The following TMTC1 variants were observed in gnomAD, a reference collection of about 807,000 sequenced individuals.
TMTC1 encodes transmembrane O-mannosyltransferase targeting cadherins 1.
TMTC1 carries 73 observed loss-of-function variants against 104.8 expected under a neutral mutation model. The observed-to-expected ratio is 0.70, with a 90% CI of 0.58 to 0.85. The LOEUF (loss-of-function observed/expected upper bound fraction) is 0.85. Among genes scored for constraint, TMTC1 ranks in the 40% least tolerant of loss-of-function variants. The probability of loss-of-function intolerance (pLI) is 0.00; values close to 1 mark genes in which losing one functional copy is unlikely to be tolerated. For missense variants in TMTC1, 1,035 were observed against 1,096.1 expected (o/e 0.94, Z 0.79); for synonymous variants, 434 against 428.7 (o/e 1.01, Z -0.15).
At chr12:29,534,080 ACT>A (rs1175257163) in intron 11 of TMTC1, 1 of 152,150 alleles carries the variant, frequency 6.6e-6, no homozygotes, top group Non-Finnish European at 1.5e-5. Context: ...GATTTCATAC[ACT>A]CTGGGTGTTT....
At chr12:29,652,342 T>C (rs552557445) in intron 5 of TMTC1, among the ~76,000 whole-genome samples, 4 of 152,326 alleles carry the variant, frequency 2.6e-5, no homozygotes, top group South Asian at 2.1e-4. Flanking sequence ...CAAGATGATA[T>C]TGGGGTTCCA....
chr12:29,765,473 A>G (rs1943442058), intron 2 of TMTC1, among the ~76,000 whole-genome samples: 1 of 152,120 alleles, frequency 6.6e-6, no homozygotes, highest in African/African-American at 2.4e-5. Context: ...TTTGTAAATT[A>G]CATAGTTATG....
At chr12:29,571,430 C>T (rs1945673694) in intron 9 of TMTC1, among the ~76,000 whole-genome samples, 1 of 151,870 alleles carries the variant, frequency 6.6e-6, no homozygotes, top group Non-Finnish European at 1.5e-5. Flanking sequence ...TTCCGACTGG[C>T]TAGTTGGGTA....
chr12:29,743,396 G>A (rs1340101531), intron 5 of TMTC1, among the ~76,000 whole-genome samples: 1 of 152,100 alleles, frequency 6.6e-6, no homozygotes, highest in Admixed American at 6.6e-5. Context: ...TGTTGATCAT[G>A]ATGAAAATCA....
At chr12:29,715,881 C>T (rs1052185600) in intron 5 of TMTC1, among the ~76,000 whole-genome samples, 8 of 151,994 alleles carry the variant, frequency 5.3e-5, no homozygotes, top group Admixed American at 3.9e-4. Flanking sequence ...ATGGGGGAAA[C>T]CACACCCATA....
chr12:29,599,976 G>A (rs1163325859), intron 7 of TMTC1, among the ~76,000 whole-genome samples: 35 of 131,456 alleles, frequency 2.7e-4, no homozygotes, highest in Non-Finnish European at 3.0e-5. Flanking sequence ...ATATGTGTGT[G>A]TGTGTGTGTG....
chr12:29,772,515 C>T lies in TMTC1; in HGVS notation c.303-4440G>A, dbSNP rs556701481. ...AGAATATTCCCATGTACCTGAAATG[C>T]AAAGTATTACAACATAACCTCACAT... On this transcript the variant is annotated intron_variant, in intron 1 of 17. Coordinates refer to ENST00000539277, the MANE Select transcript of TMTC1 (RefSeq NM_001193451.2). Among the ~76,000 whole-genome samples the T allele has an allele frequency of 8.5e-5, 13 of 152,242 alleles. No individual in the cohort carries two copies. In the South Asian group the frequency reaches 1.9e-3, roughly 22 times the overall value.
chr12:29,779,675 C>T lies in TMTC1; in HGVS notation c.302+3775G>A, dbSNP rs149467520. Among the ~76,000 whole-genome samples, 96 of 152,290 alleles carry T rather than the reference C, an allele frequency of 6.3e-4. No homozygotes were observed. The East Asian group carries it at 0.017, about 27-fold the overall frequency. On this transcript the variant is annotated intron_variant, in intron 1 of 17. Transcript: ENST00000539277. Reference sequence around the variant, plus strand: ...ATTCAATGAATCAAAAATCAACTTACATTTTAATAAAAAATATGTTTGGAG... The same window carrying T: ...ATTCAATGAATCAAAAATCAACTTATATTTTAATAAAAAATATGTTTGGAG...
intron 1 of TMTC1, among the ~76,000 whole-genome samples, chr12:29,776,031 A>T (rs558051937): frequency 6.6e-6 from 1 of 152,212 alleles, no homozygotes; most frequent in African/African-American, 2.4e-5. Context: ...AGTTTCTCTG[A>T]TAACATATTT....
intron 5 of TMTC1, among the ~76,000 whole-genome samples, chr12:29,677,844 C>T (rs1003754014): frequency 6.6e-6 from 1 of 152,248 alleles, no homozygotes; most frequent in African/African-American, 2.4e-5. Flanking sequence ...CATGCAAAAG[C>T]AGCGATGCTG....
chr12:29,536,074 T>C (rs749128718), intron 11 of TMTC1, 135 bp downstream of exon 11: 3 of 659,444 alleles, frequency 4.5e-6, no homozygotes, highest in East Asian at 5.5e-5. Flanking sequence ...GTAATTTCTG[T>C]CCAAAAGAAA....
At chr12:29,755,198 A>C (rs1459935113) in intron 4 of TMTC1, among the ~76,000 whole-genome samples, 1 of 152,142 alleles carries the variant, frequency 6.6e-6, no homozygotes, top group Non-Finnish European at 1.5e-5. Flanking sequence ...TTTGAATATG[A>C]CGTGTACGTA....
intron 5 of TMTC1, among the ~76,000 whole-genome samples, chr12:29,728,127 A>T (rs911020202): frequency 3.9e-5 from 6 of 152,194 alleles, no homozygotes; most frequent in Non-Finnish European, 5.9e-5. Flanking sequence ...TAAATGACAT[A>T]ATGTAGTATC....
intron 5 of TMTC1, among the ~76,000 whole-genome samples, chr12:29,656,865 T>C (rs1236919800): frequency 6.6e-6 from 1 of 152,158 alleles, no homozygotes; most frequent in Non-Finnish European, 1.5e-5. Context: ...TTTTTTTTCC[T>C]ACCAGCAGGG....
intron 5 of TMTC1, among the ~76,000 whole-genome samples, chr12:29,644,137 GTGTGTGTGTGTGTATATA>G (rs1219296064): frequency 8.8e-5 from 9 of 102,102 alleles, no homozygotes; most frequent in Middle Eastern, 4.6e-3. Flanking sequence ...GTGTGTGTGT[GTGTGTGTGTGTGTATATA>G]TATATATAAT....
At position 29,503,158 on chromosome 12, in the gene TMTC1, A is replaced by T. The variant is rs368718514; in HGVS notation, c.*3688T>A. The T allele has an allele frequency of 2.0e-5, 3 of 152,216 alleles. No individual in the cohort carries two copies. In the East Asian group the frequency reaches 5.8e-4, roughly 29 times the overall value. 9.4% of individuals were successfully genotyped at this position (152,216 alleles called of 1,614,324 possible). ...CTAGGTACCACCTATTACAAATTTC[A>T]GAATCTTATGCTAAGGGTTGTGAAG... is the stretch of plus-strand genomic sequence containing the variant. On this transcript the variant is annotated 3_prime_UTR_variant, in exon 18 of 18. Coordinates refer to ENST00000539277, the MANE Select transcript of TMTC1 (RefSeq NM_001193451.2).
chr12:29,761,420 ACT>A (rs1011778697), intron 2 of TMTC1, among the ~76,000 whole-genome samples: 3 of 152,060 alleles, frequency 2.0e-5, no homozygotes, highest in African/African-American at 4.8e-5. Context: ...AAAATTAGTG[ACT>A]CTGGATAGAA....
In TMTC1 at chr12:29,642,346, C is replaced by T. The variant is rs144353600; in HGVS notation, c.939-9010G>A. 3.5e-3 allele frequency among the ~76,000 whole-genome samples: 533 copies of T among 152,254 alleles called. 3 individuals carry two copies. Among genetic ancestry groups the T allele is most frequent in the African/African-American group, 0.012 (516 of 41,542 alleles). On this transcript the variant is annotated intron_variant, in intron 5 of 17. Coordinates refer to ENST00000539277, the MANE Select transcript of TMTC1 (RefSeq NM_001193451.2). ...TCTTAGGAGCTGTGAGACACAGAAG[C>T]ACCAGGTAACCTTTAAGGAAAAACC...
intron 5 of TMTC1, among the ~76,000 whole-genome samples, chr12:29,634,701 C>G (rs563680196): frequency 1.3e-5 from 2 of 152,250 alleles, no homozygotes; most frequent in Admixed American, 1.3e-4. Context: ...ATAGGACATA[C>G]TGAATTAAAA....
Sources: gnomAD v4.1 joint callset for allele counts (sites outside exome capture counted in the v4.1 genomes callset) on GRCh38, gnomAD v4.1.1 for gene constraint, MANE v1.5 for transcripts, NCBI Gene and HGNC (gene_info 2026-07-23, HGNC 2026-07-21) for gene names.